The following DST variants were observed in gnomAD, a reference collection of about 807,000 sequenced individuals.
DST encodes the protein bullous pemphigoid antigen.
A neutral mutation model predicts 875.2 loss-of-function variants in DST; 253 were observed. That is an observed-to-expected ratio of 0.29 (90% CI 0.26 to 0.32). The LOEUF is 0.32. Among genes scored for constraint, DST ranks in the 10% least tolerant of loss-of-function variants. The probability of loss-of-function intolerance (pLI) is 1.00; values close to 1 mark genes in which losing one functional copy is unlikely to be tolerated. For synonymous variants in DST, 3,124 were observed against 3,197.1 expected, an observed-to-expected ratio of 0.98 and a Z score of 0.77; for missense variants, 8,287 against 9,111.6, an observed-to-expected ratio of 0.91 and a Z score of 3.68.
intron 37 of DST, among the ~76,000 whole-genome samples, chr6:56,612,217 A>T (rs1226401828): frequency 2.6e-5 from 4 of 152,082 alleles, no homozygotes; most frequent in Non-Finnish European, 5.9e-5. Flanking sequence ...TGAAAAATAC[A>T]AAAAGTATCC....
chr6:56,757,736 T>C (rs1564027365), intron 4 of DST, among the ~76,000 whole-genome samples: 1 of 152,172 alleles, frequency 6.6e-6, no homozygotes, highest in African/African-American at 2.4e-5. Flanking sequence ...ACAGACCCGA[T>C]GAATATGGCT....
rs1322252857 is a variant in DST at position 56,624,646 on chromosome 6, A to T, written c.4831-18T>A. 6.6e-7 allele frequency: 1 copy of T among 1,523,344 alleles called. No individual in the cohort carries two copies. The highest frequency in any genetic ancestry group is 1.1e-5 in the South Asian group (1 of 89,274). The allele number at this position is 1,523,344 out of a possible 1,614,324, so 94.4% of individuals were successfully genotyped here. Reference sequence around the variant, plus strand: ...TCCATGAACTGCAAGTAAGGAAAAAAATAATAAAAGCATTACCTCCAGTTA... The same window carrying T: ...TCCATGAACTGCAAGTAAGGAAAAATATAATAAAAGCATTACCTCCAGTTA... On this transcript the variant is annotated intron_variant, in intron 35 of 103. Transcript: ENST00000680361.
In DST at chr6:56,595,476, G is replaced by C. The variant is rs2098358294; in HGVS notation, c.12196-1283C>G. Among the ~76,000 whole-genome samples, 2 of 152,064 alleles carry C rather than the reference G, an allele frequency of 1.3e-5. 1 individual carries two copies. Among genetic ancestry groups the C allele is most frequent in the South Asian group, 4.2e-4 (2 of 4,812 alleles). On this transcript the variant is annotated intron_variant, in intron 47 of 103. Coordinates refer to ENST00000680361, the MANE Select transcript of DST (RefSeq NM_001374736.1). ...CATTCTCACTAACTAGTGTGCAAGGGGGGCACAGGGAATTTATTTTGCTCA... is the reference window on the plus strand; with the variant it reads ...CATTCTCACTAACTAGTGTGCAAGGCGGGCACAGGGAATTTATTTTGCTCA...
Position 56,605,096 on chromosome 6 carries a change from G to A in DST, c.9532C>T (p.Leu3178Phe). 6.2e-7 allele frequency: 1 copy of A among 1,612,692 alleles called. No individual in the cohort carries two copies. Among genetic ancestry groups the A allele is most frequent in the Non-Finnish European group, 8.5e-7 (1 of 1,179,292 alleles). Residue 3178 changes from leucine to phenylalanine, a missense_variant, in exon 40 of 104, where the codon CTT becomes TTT. This residue lies in a region of DST where 3,138 missense variants were observed against 3,116.6 expected (regional missense o/e 1.01). Transcript: ENST00000680361. ...ESFTDGPEKE[L>F]DLFTYLKHCA... ...TGTTTTAAGTAAGTAAACAGATCAA[G>A]CTCTTTCTCAGGTCCATCAGTGAAT...
At position 56,614,347 on chromosome 6, in the gene DST, T is replaced by G. The variant is rs761622114; in HGVS notation, c.5058+9A>C. 2 of 1,594,718 alleles carry G rather than the reference T, an allele frequency of 1.3e-6. No individual in the cohort carries two copies. Among genetic ancestry groups the G allele is most frequent in the Non-Finnish European group, 1.7e-6 (2 of 1,171,618 alleles). ...ATTATTATTATTAAACCAGGACTTCTGTGAATACCTTTTGCTTAGAGAAGG... is the reference window on the plus strand; with the variant it reads ...ATTATTATTATTAAACCAGGACTTCGGTGAATACCTTTTGCTTAGAGAAGG... On this transcript the variant is annotated intron_variant, in intron 37 of 103. Transcript: ENST00000680361.
Position 56,458,979 on chromosome 6 carries a change from G to C in DST, c.*26C>G, listed in dbSNP as rs767445108. On this transcript the variant is annotated 3_prime_UTR_variant, in exon 104 of 104. Coordinates refer to ENST00000680361, the MANE Select transcript of DST (RefSeq NM_001374736.1). ...CAAACTTAAATAATAAATGCTCAAGGAAGGGCCTTGGTAGAACCAATTGCA... is the reference window on the plus strand; with the variant it reads ...CAAACTTAAATAATAAATGCTCAAGCAAGGGCCTTGGTAGAACCAATTGCA... 3 of 1,528,368 alleles carry C rather than the reference G, an allele frequency of 2.0e-6. No homozygotes were observed. Among genetic ancestry groups the C allele is most frequent in the African/African-American group, 1.4e-5 (1 of 72,508 alleles). 94.7% of individuals were successfully genotyped at this position (1,528,368 alleles called of 1,614,324 possible). A position where few individuals can be genotyped will look rare whatever the true frequency, so the allele number is the denominator to read the frequency against.
rs575824226 is a variant in DST at position 56,598,087 on chromosome 6, G to C, written c.11929-81C>G. On this transcript the variant is annotated intron_variant, in intron 46 of 103. Transcript: ENST00000680361. ...AAGACATTCCAAAAGTAAATACTTA[G>C]AACATTTTAAATTAGAATGAGGGTA... 1.1e-5 allele frequency: 14 copies of C among 1,314,024 alleles called. No homozygotes were observed. The African/African-American group carries it at 1.2e-4, about 11-fold the overall frequency. The allele number at this position is 1,314,024 out of a possible 1,614,324, so 81.4% of individuals were successfully genotyped here. A position where few individuals can be genotyped will look rare whatever the true frequency, so the allele number is the denominator to read the frequency against.
At chr6:56,837,478 C>T (rs1287749953) in intron 4 of DST, among the ~76,000 whole-genome samples, 1 of 152,098 alleles carries the variant, frequency 6.6e-6, no homozygotes, top group Non-Finnish European at 1.5e-5. Flanking sequence ...TCTTCCCTTC[C>T]ACTCAGTCCT....
rs752885359 is a variant in DST at position 56,954,629 on chromosome 6, G to A, written c.-42C>T. 1.6e-6 allele frequency: 2 copies of A among 1,278,150 alleles called. No individual in the cohort carries two copies. The highest frequency in any genetic ancestry group is 1.3e-5 in the South Asian group (1 of 74,120). The allele number at this position is 1,278,150 out of a possible 1,614,324, so 79.2% of individuals were successfully genotyped here. A position where few individuals can be genotyped will look rare whatever the true frequency, so the allele number is the denominator to read the frequency against. ...GGGCGACTCGACGGCGGGGCTGGAG[G>A]GCGGCGGCACAGGCACCCGCGCTGG... On this transcript the variant is annotated 5_prime_UTR_variant, in exon 1 of 104. Coordinates refer to ENST00000680361, the MANE Select transcript of DST (RefSeq NM_001374736.1).
intron 4 of DST, among the ~76,000 whole-genome samples, chr6:56,847,528 C>T (rs898580099): frequency 3.9e-5 from 6 of 152,112 alleles, no homozygotes; most frequent in Non-Finnish European, 7.4e-5. Context: ...CTTTCCCTTC[C>T]AAATCCCACA....
intron 4 of DST, among the ~76,000 whole-genome samples, chr6:56,834,721 G>T (rs1438492177): frequency 6.6e-6 from 1 of 152,208 alleles, no homozygotes; most frequent in African/African-American, 2.4e-5. Context: ...AATGCTGATA[G>T]GATGTGTAGC....
At chr6:56,462,238 T>G (rs1410357267) in intron 102 of DST, among the ~76,000 whole-genome samples, 2 of 152,190 alleles carry the variant, frequency 1.3e-5, no homozygotes, top group Non-Finnish European at 2.9e-5. Flanking sequence ...TGTACCTATG[T>G]CTGTTGTTTC....
chr6:56,726,710 AGACTAAC>A (rs1480703038), intron 5 of DST, among the ~76,000 whole-genome samples: 3 of 152,196 alleles, frequency 2.0e-5, no homozygotes, highest in African/African-American at 7.2e-5. Context: ...CTTTTCCTGC[AGACTAAC>A]GTTTATCTCA....
intron 4 of DST, among the ~76,000 whole-genome samples, chr6:56,748,280 T>C (rs1332159513): frequency 6.6e-6 from 1 of 152,158 alleles, no homozygotes; most frequent in Non-Finnish European, 1.5e-5. Context: ...TAGGCTTTGG[T>C]AGGCAGCTAT....
chr6:56,866,385 C>A (rs1196435238), intron 3 of DST, among the ~76,000 whole-genome samples: 1 of 152,190 alleles, frequency 6.6e-6, no homozygotes, highest in Non-Finnish European at 1.5e-5. Context: ...TTGCTTGCCT[C>A]CTTGTCCTCA....
rs2152486078 is a variant in DST, at chr6:56,515,645, C to G, written c.18381G>C (p.Lys6127Asn). ...SMKKKLDKVL[K>N]NYDTICQINS... ...TAATCTGGCAGATGGTATCATAGTT[C>G]TTCAGTACCTTGTCCAGTTTTTTCT... The change falls in exon 72 of 104, where the codon AAG becomes AAC. Residue 6127 changes from lysine (K) to asparagine (N), a missense_variant. Transcript: ENST00000680361. 6.2e-7 allele frequency: 1 copy of G among 1,608,692 alleles called. No individual in the cohort carries two copies. The highest frequency in any genetic ancestry group is 8.5e-7 in the Non-Finnish European group (1 of 1,177,028).
chr6:56,778,336 C>A (rs1253858644), intron 4 of DST, among the ~76,000 whole-genome samples: 1 of 144,070 alleles, frequency 6.9e-6, no homozygotes, highest in Non-Finnish European at 1.5e-5. Flanking sequence ...TGCCCAGAGT[C>A]TTCCTTATTC....
intron 88 of DST, chr6:56,483,932 C>T (rs721475): frequency 0.32 from 48,591 of 151,998 alleles, 8,018 homozygotes; most frequent in Middle Eastern, 0.44. Context: ...CACACACACA[C>T]AAGCACACAT....
In DST at chr6:56,482,198, C is replaced by G. The variant is rs1562273807; in HGVS notation, c.21403-20G>C. 6.2e-7 allele frequency: 1 copy of G among 1,602,760 alleles called. No individual in the cohort carries two copies. The highest frequency in any genetic ancestry group is 8.5e-7 in the Non-Finnish European group (1 of 1,172,336). On this transcript the variant is annotated intron_variant, in intron 89 of 103. Transcript: ENST00000680361. Reference sequence around the variant, plus strand: ...CTCTGCCTAAGAGTTCACACACACACACACCCCAAACAAAATTCCCAAATA... The same window carrying G: ...CTCTGCCTAAGAGTTCACACACACAGACACCCCAAACAAAATTCCCAAATA...
Sources: gnomAD v4.1 joint callset for allele counts (sites outside exome capture counted in the v4.1 genomes callset) on GRCh38, gnomAD v4.1.1 for gene constraint, gnomAD v4.1.1 regional missense constraint, MANE v1.5 for transcripts, NCBI Gene and HGNC (gene_info 2026-07-23, HGNC 2026-07-21) for gene names.